UTRN: variants seen among roughly 807,000 people sequenced by gnomAD.
UTRN encodes utrophin.
UTRN carries 283 observed loss-of-function variants against 463.9 expected under a neutral mutation model. The observed-to-expected ratio is 0.61, with a 90% CI of 0.55 to 0.67. UTRN has a LOEUF of 0.67. Among genes scored for constraint, UTRN ranks in the 30% least tolerant of loss-of-function variants. UTRN has a pLI of 0.00. For missense variants in UTRN, 3,922 were observed against 4,084.3 expected, an observed-to-expected ratio of 0.96 and a Z score of 1.08; for synonymous variants, 1,442 against 1,431.5, an observed-to-expected ratio of 1.01 and a Z score of -0.17.
At chr6:144,845,512 T>C (rs546816763) in intron 73 of UTRN, among the ~76,000 whole-genome samples, 1 of 152,358 alleles carries the variant, frequency 6.6e-6, no homozygotes, top group Non-Finnish European at 1.5e-5. Flanking sequence ...AAAATATTTT[T>C]GTGTGATTTG....
chr6:144,729,061 A>G (rs1788239484), intron 53 of UTRN, among the ~76,000 whole-genome samples: 1 of 152,124 alleles, frequency 6.6e-6, no homozygotes, highest in Non-Finnish European at 1.5e-5. Context: ...GTACTTGAGG[A>G]GGGTAACGGG....
intron 19 of UTRN, among the ~76,000 whole-genome samples, chr6:144,454,434 A>T (rs1788624061): frequency 6.6e-6 from 1 of 152,020 alleles, no homozygotes. Context: ...AATATTCTTG[A>T]TGTGCAGTTT....
Position 144,747,831 on chromosome 6 carries a change from T to C in UTRN, c.7940-415T>C, listed in dbSNP as rs1790932607. Among the ~76,000 whole-genome samples the C allele has an allele frequency of 2.0e-5, 3 of 152,204 alleles. No individual in the cohort carries two copies. In the South Asian group the frequency reaches 6.2e-4, roughly 31 times the overall value. ...ATTTTCTGAGAGTTTTTGCTTATAA[T>C]TTATAGTCATTCTTCATTAATTATA... On this transcript the variant is annotated intron_variant, in intron 54 of 74. Transcript: ENST00000367545.
chr6:144,628,969 G>T (rs1459078160), intron 51 of UTRN, among the ~76,000 whole-genome samples: 2 of 152,130 alleles, frequency 1.3e-5, no homozygotes, highest in Non-Finnish European at 2.9e-5. Flanking sequence ...GAGGAATAAG[G>T]TTCTGCAACT....
At chr6:144,470,540 G>A (rs974379919) in intron 23 of UTRN, among the ~76,000 whole-genome samples, 4 of 151,366 alleles carry the variant, frequency 2.6e-5, no homozygotes, top group Non-Finnish European at 4.4e-5. Context: ...TCACTTCCTA[G>A]ACAGGATGAC....
chr6:144,494,828 A>G (rs1585009788), intron 33 of UTRN, among the ~76,000 whole-genome samples: 1 of 151,926 alleles, frequency 6.6e-6, no homozygotes, highest in Non-Finnish European at 1.5e-5. Flanking sequence ...ACAAACCTTG[A>G]GCTAGATACA....
At chr6:144,693,133 G>T (rs371973929) in intron 52 of UTRN, among the ~76,000 whole-genome samples, 1 of 151,962 alleles carries the variant, frequency 6.6e-6, no homozygotes, top group Non-Finnish European at 1.5e-5. Context: ...ACCCAGCAAC[G>T]TTTATTGAAT....
chr6:144,670,146 A>G (rs1356982086), intron 51 of UTRN, among the ~76,000 whole-genome samples: 1 of 152,132 alleles, frequency 6.6e-6, no homozygotes, highest in East Asian at 1.9e-4. Flanking sequence ...AAGATACCCA[A>G]GTATGGAATT....
rs1168538986 is a variant in UTRN at position 144,521,968 on chromosome 6, C to G, written c.5542-12C>G. On this transcript the variant is annotated splice_polypyrimidine_tract_variant and intron_variant, in intron 39 of 74. Transcript: ENST00000367545. ...ATATATATATATATTTTTTTTTTTG[C>G]TGTTTTTGTAGGCAATCCCTATTCA... The G allele has an allele frequency of 6.0e-6, 8 of 1,329,712 alleles. No homozygotes were observed. The highest frequency in any genetic ancestry group is 6.3e-5 in the Admixed American group (2 of 31,682). The allele number at this position is 1,329,712 out of a possible 1,614,324, so 82.4% of individuals were successfully genotyped here. A position where few individuals can be genotyped will look rare whatever the true frequency, so the allele number is the denominator to read the frequency against.
intron 25 of UTRN, among the ~76,000 whole-genome samples, chr6:144,476,211 C>T (rs1261344660): frequency 1.3e-5 from 2 of 150,926 alleles, no homozygotes; most frequent in Non-Finnish European, 3.0e-5. Flanking sequence ...GCCTCAGCCT[C>T]CCAAAGCGTG....
intron 53 of UTRN, 59 bp from the exon 54 acceptor site, chr6:144,730,297 GT>G (rs1788378669): frequency 6.2e-6 from 9 of 1,445,010 alleles, no homozygotes; most frequent in Non-Finnish European, 8.3e-6. Flanking sequence ...AGTTGAAGAT[GT>G]CCCATAATTT....
chr6:144,521,877 G>A, intron 39 of UTRN, 103 bp from the exon 40 acceptor site: 1 of 754,088 alleles, frequency 1.3e-6, no homozygotes, highest in Non-Finnish European at 1.8e-6. Flanking sequence ...TTTGGTTCAT[G>A]ATATTGCATT....
Position 144,483,273 on chromosome 6 carries a change from T to C in UTRN, c.3687+885T>C, listed in dbSNP as rs1239864305. 2.0e-5 allele frequency among the ~76,000 whole-genome samples: 3 copies of C among 152,232 alleles called. No individual in the cohort carries two copies. In the South Asian group the frequency reaches 6.2e-4, roughly 32 times the overall value. ...AGAAAGCTACTTGATTTGGGATCTG[T>C]CTGCTTCTTGGAAGTGGTCTTCTTT... is the stretch of plus-strand genomic sequence containing the variant. On this transcript the variant is annotated intron_variant, in intron 27 of 74. Transcript: ENST00000367545.
At chr6:144,328,043 A>G (rs1328788793) in intron 2 of UTRN, among the ~76,000 whole-genome samples, 3 of 152,100 alleles carry the variant, frequency 2.0e-5, no homozygotes, top group Non-Finnish European at 4.4e-5. Flanking sequence ...CTAGGACAAC[A>G]CTGTGAGGGA....
chr6:144,403,188 A>G lies in UTRN; in HGVS notation c.141+4A>G. The G allele has an allele frequency of 6.2e-7, 1 of 1,612,610 alleles. No homozygotes were observed. Among genetic ancestry groups the G allele is most frequent in the Non-Finnish European group, 8.5e-7 (1 of 1,179,106 alleles). On this transcript the variant is annotated splice_donor_region_variant and intron_variant, in intron 3 of 74. Transcript: ENST00000367545. ...GATAAATGCTCGATTTTCAAAGGTA[A>G]CTGAGACTTTCAAAAACTTCGATGG... is the stretch of plus-strand genomic sequence containing the variant.
chr6:144,696,501 G>C (rs554531011), intron 52 of UTRN, among the ~76,000 whole-genome samples: 2 of 152,132 alleles, frequency 1.3e-5, no homozygotes, highest in African/African-American at 4.8e-5. Context: ...TTTCAGCACC[G>C]TCAGACTGAA....
chr6:144,319,921 T>C (rs1775526513), intron 2 of UTRN, among the ~76,000 whole-genome samples: 1 of 152,004 alleles, frequency 6.6e-6, no homozygotes, highest in Non-Finnish European at 1.5e-5. Context: ...TGGTGTGATC[T>C]TGGCTCACCG....
intron 35 of UTRN, among the ~76,000 whole-genome samples, chr6:144,513,191 C>G (rs1457665023): frequency 6.6e-6 from 1 of 152,164 alleles, no homozygotes; most frequent in African/African-American, 2.4e-5. Context: ...GTCCTTTGAG[C>G]AGAGCATACA....
rs1430272844 is a variant in UTRN, at chr6:144,665,740, T to A, written c.7480-12666T>A. ...ATCTTCTGGAGGGCTGTTCTGAGGGTTTGCATCTTATGCTTTTGATGGTGT... is the reference window on the plus strand; with the variant it reads ...ATCTTCTGGAGGGCTGTTCTGAGGGATTGCATCTTATGCTTTTGATGGTGT... On this transcript the variant is annotated intron_variant, in intron 51 of 74. Transcript: ENST00000367545. Among the ~76,000 whole-genome samples the A allele has an allele frequency of 9.2e-5, 14 of 152,326 alleles. No individual in the cohort carries two copies. The East Asian group carries it at 2.7e-3, about 29-fold the overall frequency.
Sources: gnomAD v4.1 joint callset for allele counts (sites outside exome capture counted in the v4.1 genomes callset) on GRCh38, gnomAD v4.1.1 for gene constraint, MANE v1.5 for transcripts, NCBI Gene and HGNC (gene_info 2026-07-23, HGNC 2026-07-21) for gene names.